Variants in CFAP20DC observed in about 807,000 individuals in gnomAD.
CFAP20DC encodes the protein protein CFAP20DC.
In CFAP20DC, 84 loss-of-function variants were observed where a neutral mutation model predicts 101.7. The observed-to-expected ratio is 0.83, with a 90% CI of 0.69 to 0.99. The LOEUF is 0.99. Ranked by LOEUF, CFAP20DC falls within the 50% of genes least tolerant of loss-of-function variation. CFAP20DC has a pLI of 0.00. For missense variants in CFAP20DC, 1,007 were observed against 970.3 expected (o/e 1.04, Z -0.50); for synonymous variants, 359 against 351.2 (o/e 1.02, Z -0.25).
intron 4 of CFAP20DC, among the ~76,000 whole-genome samples, chr3:58,959,864 T>C (rs1390725885): frequency 1.3e-5 from 2 of 152,232 alleles, no homozygotes; most frequent in Admixed American, 6.5e-5. Context: ...TTAACAATAC[T>C]GAATCTTCCA....
chr3:58,898,250 T>C (rs1459657498), intron 6 of CFAP20DC, among the ~76,000 whole-genome samples: 3 of 151,864 alleles, frequency 2.0e-5, no homozygotes, highest in Admixed American at 2.0e-4. Flanking sequence ...TCTCATCTCA[T>C]GGCAACCACT....
At chr3:58,923,278 T>G (rs900194782) in intron 5 of CFAP20DC, among the ~76,000 whole-genome samples, 1 of 152,226 alleles carries the variant, frequency 6.6e-6, no homozygotes, top group African/African-American at 2.4e-5. Flanking sequence ...GAATGATTTC[T>G]TTTTAGATTT....
At chr3:58,932,135 T>A (rs993951014) in intron 5 of CFAP20DC, among the ~76,000 whole-genome samples, 13 of 152,190 alleles carry the variant, frequency 8.5e-5, no homozygotes, top group Admixed American at 6.5e-4. Context: ...TGCAGAAGCC[T>A]CAGGAGCCCA....
rs2093312043 is a variant in CFAP20DC at position 59,001,545 on chromosome 3, G to A, written c.278+38012C>T. 6.6e-6 allele frequency among the ~76,000 whole-genome samples: 1 copy of A among 152,134 alleles called. No individual in the cohort carries two copies. Among genetic ancestry groups the A allele is most frequent in the Admixed American group, 6.5e-5 (1 of 15,276 alleles). On this transcript the variant is annotated intron_variant, in intron 4 of 16. Transcript: ENST00000482387. This position sits in a 1 kb window ranked among gnomAD's most constrained non-coding sequence, Gnocchi z 4.5. ...TCCTGCCTCAGCCTCCCGAATAGCT[G>A]GGATTATAGGCATGCGCCACCACGC...
chr3:58,894,735 C>A lies in CFAP20DC; in HGVS notation c.551-10026G>T, dbSNP rs2106912948. Among the ~76,000 whole-genome samples the A allele has an allele frequency of 6.6e-6, 1 of 152,314 alleles. No homozygotes were observed. The highest frequency in any genetic ancestry group is 1.9e-4 in the East Asian group (1 of 5,178). On this transcript the variant is annotated intron_variant, in intron 6 of 16. Coordinates refer to ENST00000482387, the MANE Select transcript of CFAP20DC (RefSeq NM_001394063.1). The surrounding 1 kb of genome is among the most constrained non-coding windows in gnomAD (Gnocchi z 4.1). ...CCAGTAGGGAGTCTGTGTGGTGGCT[C>A]CAATCCCACATTTCCCTTCTGCACT... is the stretch of plus-strand genomic sequence containing the variant.
Position 59,049,598 on chromosome 3 carries a change from C to T in CFAP20DC, c.21+13G>A. 5 of 1,535,952 alleles carry T rather than the reference C, an allele frequency of 3.3e-6. No homozygotes were observed. Among genetic ancestry groups the T allele is most frequent in the Non-Finnish European group, 4.4e-6 (5 of 1,146,722 alleles). ...GAAAGGTATAGACAGGTTGGAGAAC[C>T]GTTTCGGGTTACCTGGTACTCATTT... On this transcript the variant is annotated intron_variant, in intron 1 of 16. Transcript: ENST00000482387.
At chr3:58,925,909 C>T (rs2085911077) in intron 5 of CFAP20DC, among the ~76,000 whole-genome samples, 1 of 152,164 alleles carries the variant, frequency 6.6e-6, no homozygotes, top group Admixed American at 6.5e-5. Flanking sequence ...AAAACTAAAG[C>T]TAGGTAATCA....
intron 5 of CFAP20DC, among the ~76,000 whole-genome samples, chr3:58,935,379 C>T (rs1276391375): frequency 2.0e-5 from 3 of 151,984 alleles, no homozygotes; most frequent in Non-Finnish European, 2.9e-5. Flanking sequence ...ATGCCATCCC[C>T]ATCAAGCTAC....
rs1314517316 is a variant in CFAP20DC, at chr3:58,788,553, G to A, written c.2237+17842C>T. On this transcript the variant is annotated intron_variant, in intron 15 of 16. Transcript: ENST00000482387. The surrounding 1 kb of genome is among the most constrained non-coding windows in gnomAD (Gnocchi z 4.2). ...CAAAATGGGATGCTAACATATTCCC[G>A]TGCTGCATGTCTGGATGAACACATG... 2.0e-5 allele frequency among the ~76,000 whole-genome samples: 3 copies of A among 152,066 alleles called. No individual in the cohort carries two copies. The highest frequency in any genetic ancestry group is 2.9e-5 in the Non-Finnish European group (2 of 68,004).
At position 58,892,654 on chromosome 3, in the gene CFAP20DC, G is replaced by A. The variant is rs1358660472; in HGVS notation, c.551-7945C>T. Among the ~76,000 whole-genome samples the A allele has an allele frequency of 6.6e-6, 1 of 152,138 alleles. No homozygotes were observed. Among genetic ancestry groups the A allele is most frequent in the African/African-American group, 2.4e-5 (1 of 41,422 alleles). On this transcript the variant is annotated intron_variant, in intron 6 of 16. Transcript: ENST00000482387. This position sits in a 1 kb window ranked among gnomAD's most constrained non-coding sequence, Gnocchi z 4.0. Reference sequence around the variant, plus strand: ...CTGCTTGCCTGTTGTTGGTGTATAGGAATGCTAGCAATGTTTGCACATTTA... The same window carrying A: ...CTGCTTGCCTGTTGTTGGTGTATAGAAATGCTAGCAATGTTTGCACATTTA...
At chr3:58,805,021 A>G (rs1286697741) in intron 15 of CFAP20DC, among the ~76,000 whole-genome samples, 3 of 152,210 alleles carry the variant, frequency 2.0e-5, no homozygotes, top group East Asian at 1.9e-4. Flanking sequence ...CTGGGTCCCA[A>G]TAAAAGTCCT....
chr3:58,806,517 C>T (rs2107733255), intron 14 of CFAP20DC, 61 bp from the exon 15 acceptor site: 6 of 1,159,366 alleles, frequency 5.2e-6, no homozygotes, highest in East Asian at 4.7e-5. Flanking sequence ...CATAGACATT[C>T]ACATGCACTC....
chr3:58,809,283 A>T (rs941808883), intron 14 of CFAP20DC, among the ~76,000 whole-genome samples: 1 of 152,100 alleles, frequency 6.6e-6, no homozygotes, highest in Non-Finnish European at 1.5e-5. Flanking sequence ...CTATTCCAAA[A>T]TTGACCCCAT....
rs556920947 is a variant in CFAP20DC at position 58,809,541 on chromosome 3, G to A, written c.2176-3085C>T. Among the ~76,000 whole-genome samples, 62 of 151,912 alleles carry A rather than the reference G, an allele frequency of 4.1e-4. No homozygotes were observed. In the South Asian group the frequency reaches 9.4e-3, roughly 23 times the overall value. ...CATAACATACCAGAATCTCTGGGAC[G>A]CATTCAAAGCAGTGTGTAGAGGGAA... On this transcript the variant is annotated intron_variant, in intron 14 of 16. Coordinates refer to ENST00000482387, the MANE Select transcript of CFAP20DC (RefSeq NM_001394063.1).
intron 4 of CFAP20DC, among the ~76,000 whole-genome samples, chr3:59,027,567 G>A (rs2093915383): frequency 6.6e-6 from 1 of 152,158 alleles, no homozygotes; most frequent in Admixed American, 6.5e-5. Flanking sequence ...AAAATTCATT[G>A]AGATAATGAC....
intron 15 of CFAP20DC, among the ~76,000 whole-genome samples, chr3:58,786,108 G>A (rs1228243112): frequency 6.6e-6 from 1 of 152,172 alleles, no homozygotes; most frequent in Non-Finnish European, 1.5e-5. Context: ...CCCACAGGAT[G>A]TGTGCTGCAA....
chr3:58,982,461 G>A (rs1207493114), intron 4 of CFAP20DC, among the ~76,000 whole-genome samples: 1 of 151,592 alleles, frequency 6.6e-6, no homozygotes. Context: ...GGAACCAAAT[G>A]TCCAACAATG....
chr3:58,905,102 C>T (rs1371070755), intron 6 of CFAP20DC, among the ~76,000 whole-genome samples: 1 of 152,066 alleles, frequency 6.6e-6, no homozygotes, highest in Non-Finnish European at 1.5e-5. Flanking sequence ...CATTTCTGAA[C>T]ACAGAATACA....
At position 58,913,830 on chromosome 3, in the gene CFAP20DC, G is replaced by A. The variant is rs140736826; in HGVS notation, c.428C>T (p.Thr143Ile). ...CNLCIDLVAF[T>I]SEIFKGAVFQ... ...AACTGCCCCCTTGAATATTTCACTGGTGAATGCTACTAAGTCAATGCATAG... is the reference window on the plus strand; with the variant it reads ...AACTGCCCCCTTGAATATTTCACTGATGAATGCTACTAAGTCAATGCATAG... Residue 143 changes from threonine (T) to isoleucine (I), a missense_variant, in exon 6 of 17, where the codon ACC becomes ATC. Thr to Ile is a moderately conservative substitution (Grantham distance 89). Coordinates refer to ENST00000482387, the MANE Select transcript of CFAP20DC (RefSeq NM_001394063.1). This position sits in a 1 kb window ranked among gnomAD's most constrained non-coding sequence, Gnocchi z 4.4. The A allele has an allele frequency of 6.2e-7, 1 of 1,613,420 alleles. No homozygotes were observed. The highest frequency in any genetic ancestry group is 1.3e-5 in the African/African-American group (1 of 74,852).
Sources: gnomAD v4.1 joint callset for allele counts (sites outside exome capture counted in the v4.1 genomes callset) on GRCh38, gnomAD v4.1.1 for gene constraint, Gnocchi (gnomAD v3.1) non-coding constraint, MANE v1.5 for transcripts, NCBI Gene and HGNC (gene_info 2026-07-23, HGNC 2026-07-21) for gene names.